COCH: variants seen among roughly 807,000 people sequenced by gnomAD.
COCH encodes the protein cochlin, also known as coagulation factor C homolog, cochlin (Limulus polyphemus).
A neutral mutation model predicts 54.8 loss-of-function variants in COCH; 40 were observed. The observed-to-expected ratio is 0.73, with a 90% CI of 0.57 to 0.95. COCH has a LOEUF of 0.95. COCH is among the 40% of genes least tolerant of loss of function. The pLI is 0.00. For synonymous variants in COCH, 256 were observed against 237.9 expected (o/e 1.08, Z -0.70); for missense variants, 605 against 675.0 (o/e 0.90, Z 1.15).
Position 30,877,329 on chromosome 14 carries a change from C to T in COCH, c.83-243C>T, listed in dbSNP as rs192978777. 1.0e-3 allele frequency: 493 copies of T among 483,290 alleles called. 1 individual carries two copies. Among genetic ancestry groups the T allele is most frequent in the Non-Finnish European group, 1.4e-3 (375 of 271,684 alleles). 29.9% of individuals were successfully genotyped at this position (483,290 alleles called of 1,614,324 possible). On this transcript the variant is annotated intron_variant, in intron 3 of 11. Coordinates refer to ENST00000396618, the MANE Select transcript of COCH (RefSeq NM_004086.3). This position sits in a 1 kb window ranked among gnomAD's most constrained non-coding sequence, Gnocchi z 8.6. Reference sequence around the variant, plus strand: ...CGAGTCCCCATTTCAAAAACAAAAACGAAATAAAAACCCAGAACTTTCACA... The same window carrying T: ...CGAGTCCCCATTTCAAAAACAAAAATGAAATAAAAACCCAGAACTTTCACA...
chr14:30,883,181 T>A (rs1318435304), intron 8 of COCH, among the ~76,000 whole-genome samples: 1 of 152,202 alleles, frequency 6.6e-6, no homozygotes, highest in East Asian at 1.9e-4. Context: ...TTTGAGCAAG[T>A]CTATTTCTTT....
rs1207244989 is a variant in COCH, at chr14:30,882,584, CA to C, written c.629+1851del. Among the ~76,000 whole-genome samples, 7 of 152,258 alleles carry C rather than the reference CA, an allele frequency of 4.6e-5. No individual in the cohort carries two copies. The East Asian group carries it at 1.3e-3, about 29-fold the overall frequency. ...AAAAATATTTCATAATATTCCGCTG[CA>C]TGATTAGTCATTCTTATTATTTCTT... On this transcript the variant is annotated intron_variant, in intron 8 of 11. Coordinates refer to ENST00000396618, the MANE Select transcript of COCH (RefSeq NM_004086.3).
At chr14:30,885,012 C>T in intron 9 of COCH, 1 of 1,598,308 alleles carries the variant, frequency 6.3e-7, no homozygotes, top group Non-Finnish European at 8.5e-7. Flanking sequence ...AGTAGCACTA[C>T]CGTTGACTCT....
At chr14:30,892,888 T>C (rs1295349975), downstream of COCH, among the ~76,000 whole-genome samples, 2 of 151,992 alleles carry the variant, frequency 1.3e-5, no homozygotes, top group South Asian at 2.1e-4. Context: ...ATTTTTATGG[T>C]AGATGACAAA....
chr14:30,878,786 C>T (rs1594373346), intron 4 of COCH, 25 bp from the exon 5 acceptor site: 1 of 1,614,098 alleles, frequency 6.2e-7, no homozygotes, highest in African/African-American at 1.3e-5. Context: ...TGGATAGCAT[C>T]TCAGCTGCTA....
rs1464980758 is a variant in COCH, at chr14:30,879,359, T to C, written c.374-64T>C. 4.7e-6 allele frequency: 7 copies of C among 1,498,688 alleles called. No individual in the cohort carries two copies. The African/African-American group carries it at 8.3e-5, about 18-fold the overall frequency. The allele number at this position is 1,498,688 out of a possible 1,614,324, so 92.8% of individuals were successfully genotyped here. The stretch of plus-strand genomic sequence containing the variant: ...TTTGTCATTGTAGAGAGCTCTAAAT[T>C]AGATTCATAATACTTTGGTAAAGAA... On this transcript the variant is annotated intron_variant, in intron 5 of 11. Coordinates refer to ENST00000396618, the MANE Select transcript of COCH (RefSeq NM_004086.3).
intron 1 of COCH, 121 bp downstream of exon 1, chr14:30,874,712 G>A (rs1594366611): frequency 1.6e-6 from 1 of 612,450 alleles, no homozygotes; most frequent in South Asian, 2.0e-5. Context: ...CGCGGTGCGG[G>A]GTTGCACACC....
chr14:30,875,768 T>G (rs2138829042), intron 3 of COCH: 1 of 155,518 alleles, frequency 6.4e-6, no homozygotes, highest in East Asian at 1.9e-4. Flanking sequence ...GGAATGAGGG[T>G]TAAGTATCCC....
At chr14:30,882,120 G>GTTTTTTTTTTTTTTGTTTGTTTTTTTTT (rs1895620133) in intron 8 of COCH, among the ~76,000 whole-genome samples, 1 of 67,894 alleles carries the variant, frequency 1.5e-5, no homozygotes, top group African/African-American at 6.6e-5. Flanking sequence ...CTATAAAATG[G>GTTTTTTTTTTTTTTGTTTGTTTTTTTTT]TTTTTTTTTT....
chr14:30,893,179 G>A (rs8022032), downstream of COCH, among the ~76,000 whole-genome samples: 82,358 of 136,494 alleles, frequency 0.6, 24,875 homozygotes, highest in East Asian at 0.86. Flanking sequence ...TTTTTGAGAC[G>A]GAGTCTCTGT....
rs1895404227 is a variant in COCH at position 30,877,491 on chromosome 14, A to T, written c.83-81A>T. On this transcript the variant is annotated intron_variant, in intron 3 of 11. Transcript: ENST00000396618. The surrounding 1 kb of genome is among the most constrained non-coding windows in gnomAD (Gnocchi z 8.6). ...TGTAGAAATTAGGGAAGTAAAACTT[A>T]AATCTCACACTGTAGTCTCCCCACC... 1 of 1,550,542 alleles carries T rather than the reference A, an allele frequency of 6.4e-7. No homozygotes were observed. The highest frequency in any genetic ancestry group is 8.8e-7 in the Non-Finnish European group (1 of 1,134,496).
intron 3 of COCH, chr14:30,875,640 GA>G (rs201864981): frequency 3.8e-6 from 1 of 264,960 alleles, no homozygotes; most frequent in Non-Finnish European, 7.0e-6. Flanking sequence ...ACACGCTAGA[GA>G]GTTTAAAAAG....
At chr14:30,893,745 CA>C (rs1896054715), downstream of COCH, 1 of 152,394 alleles carries the variant, frequency 6.6e-6, no homozygotes, top group Non-Finnish European at 1.5e-5. Flanking sequence ...ATTAGAATAT[CA>C]ATAAGTAGGA....
At chr14:30,879,515 G>A in intron 6 of COCH, 30 bp downstream of exon 6, 1 of 1,604,300 alleles carries the variant, frequency 6.2e-7, no homozygotes, top group Non-Finnish European at 8.5e-7. Context: ...TCTCCTAGTT[G>A]CCCGGCACAG....
In COCH at chr14:30,875,109, TGGG is replaced by T. The variant is rs1334664319; in HGVS notation, c.82+9_82+11del. The T allele has an allele frequency of 1.9e-6, 3 of 1,558,762 alleles. No individual in the cohort carries two copies. The highest frequency in any genetic ancestry group is 2.6e-6 in the Non-Finnish European group (3 of 1,152,486). ...CGCGGGCAGCGAGGGAGCCGGTGAG[TGGG>T]GGAGCTGGGGTGCGTCCAGGCGGTC... is the stretch of plus-strand genomic sequence containing the variant. On this transcript the variant is annotated splice_region_variant and intron_variant, in intron 3 of 11. Coordinates refer to ENST00000396618, the MANE Select transcript of COCH (RefSeq NM_004086.3).
At chr14:30,891,368 A>C (rs1289884546), downstream of COCH, among the ~76,000 whole-genome samples, 1 of 152,144 alleles carries the variant, frequency 6.6e-6, no homozygotes, top group African/African-American at 2.4e-5. Flanking sequence ...AAGCCCCCTG[A>C]AATGTGTTAA....
Position 30,889,935 on chromosome 14 carries a change from C to T in COCH, c.*144C>T. ...CAACAGCCATTTAGGCAAATAAGCA[C>T]TCCTTTAAAGCCGCTGCCTTCTGGT... On this transcript the variant is annotated 3_prime_UTR_variant, in exon 12 of 12. Coordinates refer to ENST00000396618, the MANE Select transcript of COCH (RefSeq NM_004086.3). The T allele has an allele frequency of 1.4e-6, 2 of 1,416,206 alleles. No homozygotes were observed. Among genetic ancestry groups the T allele is most frequent in the Non-Finnish European group, 9.2e-7 (1 of 1,086,548 alleles). The allele number at this position is 1,416,206 out of a possible 1,614,324, so 87.7% of individuals were successfully genotyped here. A position where few individuals can be genotyped will look rare whatever the true frequency, so the allele number is the denominator to read the frequency against.
chr14:30,874,798 G>T (rs1430757092), intron 1 of COCH, 118 bp from the exon 2 acceptor site: 1 of 937,782 alleles, frequency 1.1e-6, no homozygotes, highest in Middle Eastern at 2.6e-4. Flanking sequence ...GCAGCGGGTC[G>T]TCTGTGTCCT....
chr14:30,874,959 G>A lies in COCH; in HGVS notation c.21G>A (p.Pro7=), dbSNP rs1351033383. ...TCACCATGTCCGCAGCCTGGATCCC[G>A]GCTCTCGGCCTCGGTGGGTGCGCGC... is the stretch of plus-strand genomic sequence containing the variant. MSAAWI[P]ALGLGVCLLL... Residue 7 remains proline, a synonymous_variant, in exon 2 of 12, where the codon CCG becomes CCA. Transcript: ENST00000396618. 2.5e-6 allele frequency: 4 copies of A among 1,613,380 alleles called. No homozygotes were observed. Among genetic ancestry groups the A allele is most frequent in the African/African-American group, 2.7e-5 (2 of 74,928 alleles).
Sources: gnomAD v4.1 joint callset for allele counts (sites outside exome capture counted in the v4.1 genomes callset) on GRCh38, gnomAD v4.1.1 for gene constraint, Gnocchi (gnomAD v3.1) non-coding constraint, MANE v1.5 for transcripts, NCBI Gene and HGNC (gene_info 2026-07-23, HGNC 2026-07-21) for gene names.